CHTOP: variants seen among roughly 807,000 people sequenced by gnomAD.
CHTOP encodes the protein chromatin target of PRMT1 protein.
In CHTOP, 18 loss-of-function variants were observed where a neutral mutation model predicts 33.6. The observed-to-expected ratio is 0.54, with a 90% CI of 0.37 to 0.80. The LOEUF is 0.80. CHTOP is among the 30% of genes least tolerant of loss of function. CHTOP has a pLI of 0.00. For synonymous variants in CHTOP, 117 were observed against 127.7 expected (o/e 0.92, Z 0.56); for missense variants, 263 against 336.8 (o/e 0.78, Z 1.71).
At chr1:153,635,518 T>C (rs1223035026) in intron 1 of CHTOP, among the ~76,000 whole-genome samples, 1 of 151,736 alleles carries the variant, frequency 6.6e-6, no homozygotes, top group African/African-American at 2.4e-5. Flanking sequence ...AAATGACTGC[T>C]CTAGAGTAAA....
chr1:153,640,244 G>A (rs1217075343), intron 3 of CHTOP, among the ~76,000 whole-genome samples: 1 of 151,908 alleles, frequency 6.6e-6, no homozygotes, highest in Non-Finnish European at 1.5e-5. Flanking sequence ...GGAGGCCAAG[G>A]CAGGCGGATC....
At chr1:153,643,595 TC>T (rs763113757) in intron 5 of CHTOP, 10 of 390,356 alleles carry the variant, frequency 2.6e-5, no homozygotes, top group East Asian at 1.7e-4. Context: ...TATGCCATCT[TC>T]CTCCAAGCTC....
At chr1:153,643,104 C>T (rs1668686608) in intron 4 of CHTOP, 123 bp from the exon 5 acceptor site, 27 of 1,143,722 alleles carry the variant, frequency 2.4e-5, no homozygotes, top group Non-Finnish European at 3.3e-5. Context: ...ATGCAGCTTG[C>T]CCCAGCCAAC....
intron 3 of CHTOP, 65 bp downstream of exon 3, chr1:153,638,513 C>G (rs1270184834): frequency 6.3e-7 from 1 of 1,578,566 alleles, no homozygotes; most frequent in African/African-American, 1.3e-5. Flanking sequence ...TCCACTGAGG[C>G]TGTCAGGACG....
intron 3 of CHTOP, among the ~76,000 whole-genome samples, chr1:153,640,633 G>A (rs1427518574): frequency 2.0e-5 from 3 of 152,064 alleles, no homozygotes; most frequent in African/African-American, 7.2e-5. Flanking sequence ...TAAGCCAGGC[G>A]TGATGACAGC....
Position 153,645,507 on chromosome 1 carries a change from G to T in CHTOP, c.*238G>T, listed in dbSNP as rs1186418029. On this transcript the variant is annotated 3_prime_UTR_variant, in exon 6 of 6. Coordinates refer to ENST00000368694, the MANE Select transcript of CHTOP (RefSeq NM_015607.4). ...TGTTTTTGTTTTTTTAGGGGGGAGG[G>T]GGGGTTTCCCCTCCTTTGCCCAGAC... is the stretch of plus-strand genomic sequence containing the variant. The T allele has an allele frequency of 4.3e-6, 2 of 463,644 alleles. 1 individual carries two copies. Among genetic ancestry groups the T allele is most frequent in the Non-Finnish European group, 7.7e-6 (2 of 259,020 alleles). The allele number at this position is 463,644 out of a possible 1,614,324, so 28.7% of individuals were successfully genotyped here. A position where few individuals can be genotyped will look rare whatever the true frequency, so the allele number is the denominator to read the frequency against.
chr1:153,637,135 A>C (rs1292887778), intron 2 of CHTOP: 1 of 153,634 alleles, frequency 6.5e-6, no homozygotes, highest in African/African-American at 2.4e-5. Context: ...TTCTGCTTTT[A>C]GTTTGGTTTT....
At chr1:153,636,009 C>T (rs1318351615) in intron 1 of CHTOP, among the ~76,000 whole-genome samples, 1 of 152,008 alleles carries the variant, frequency 6.6e-6, no homozygotes, top group Non-Finnish European at 1.5e-5. Context: ...CAGCCTCCAA[C>T]CCCTGGGCTC....
intron 4 of CHTOP, 89 bp from the exon 5 acceptor site, chr1:153,643,138 C>T: frequency 6.6e-7 from 1 of 1,510,842 alleles, no homozygotes; most frequent in Non-Finnish European, 9.2e-7. Context: ...GAATTACCTT[C>T]ATTTAACCCT....
Position 153,643,377 on chromosome 1 carries a change from C to A in CHTOP, c.541+13C>A. On this transcript the variant is annotated intron_variant, in intron 5 of 5. Coordinates refer to ENST00000368694, the MANE Select transcript of CHTOP (RefSeq NM_015607.4). The stretch of plus-strand genomic sequence containing the variant: ...ATCGGTGGTAGAGGTTAGTCAGCTA[C>A]CAACTTCAGAGAGTAGCTCCCCCTT... The A allele has an allele frequency of 6.6e-7, 1 of 1,525,146 alleles. No individual in the cohort carries two copies. The allele number at this position is 1,525,146 out of a possible 1,614,324, so 94.5% of individuals were successfully genotyped here.
At chr1:153,638,778 C>T (rs1295319607) in intron 3 of CHTOP, among the ~76,000 whole-genome samples, 1 of 152,132 alleles carries the variant, frequency 6.6e-6, no homozygotes, top group Non-Finnish European at 1.5e-5. Context: ...TAGATAATCT[C>T]ACAGCATCCT....
intron 1 of CHTOP, among the ~76,000 whole-genome samples, chr1:153,635,336 G>A (rs1668325625): frequency 6.6e-6 from 1 of 151,180 alleles, no homozygotes; most frequent in Non-Finnish European, 1.5e-5. Flanking sequence ...TATTTTTATA[G>A]AAACGGGGTC....
intron 4 of CHTOP, 91 bp downstream of exon 4, chr1:153,642,520 A>G (rs1312415972): frequency 1.9e-6 from 2 of 1,057,992 alleles, no homozygotes; most frequent in African/African-American, 1.6e-5. Context: ...AACATCTTTA[A>G]GCCTGAATTT....
chr1:153,638,570 C>T, intron 3 of CHTOP, 122 bp downstream of exon 3: 1 of 1,144,894 alleles, frequency 8.7e-7, no homozygotes, highest in South Asian at 1.3e-5. Context: ...TGAAACTTCT[C>T]TGGAAGAAAG....
chr1:153,637,923 C>G (rs1338574812), intron 2 of CHTOP: 1 of 219,776 alleles, frequency 4.6e-6, no homozygotes, highest in Non-Finnish European at 9.3e-6. Flanking sequence ...TCATATTTGG[C>G]CTTAGAATGC....
At chr1:153,641,039 G>T (rs1668603972) in intron 3 of CHTOP, among the ~76,000 whole-genome samples, 2 of 152,234 alleles carry the variant, frequency 1.3e-5, no homozygotes, top group South Asian at 4.1e-4. Flanking sequence ...CCTGATAATT[G>T]TGTGTTAATC....
At position 153,638,316 on chromosome 1, in the gene CHTOP, C is replaced by G. The variant is rs145431546; in HGVS notation, c.87C>G (p.Asn29Lys). ...LNERFTNMLK[N>K]KQPTPVNIRA... ...GAAGCTTTACTAATATGCTGAAGAACAAACAGCCGACGCCAGTGAATATTC... is the reference window on the plus strand; with the variant it reads ...GAAGCTTTACTAATATGCTGAAGAAGAAACAGCCGACGCCAGTGAATATTC... The change falls in exon 3 of 6, where the codon AAC becomes AAG. Residue 29 changes from asparagine to lysine, a missense_variant. By Grantham distance (94) the Asn-to-Lys change is moderately conservative. Coordinates refer to ENST00000368694, the MANE Select transcript of CHTOP (RefSeq NM_015607.4). The G allele has an allele frequency of 1.1e-5, 18 of 1,614,212 alleles. No homozygotes were observed. Among genetic ancestry groups the G allele is most frequent in the Non-Finnish European group, 1.2e-5 (14 of 1,180,030 alleles).
intron 4 of CHTOP, chr1:153,642,645 A>G (rs1355566503): frequency 2.5e-6 from 1 of 393,736 alleles, no homozygotes; most frequent in Non-Finnish European, 4.5e-6. Flanking sequence ...CCTGCGTAAC[A>G]ACAGGTAATT....
chr1:153,640,622 A>G (rs1668587263), intron 3 of CHTOP, among the ~76,000 whole-genome samples: 1 of 152,120 alleles, frequency 6.6e-6, no homozygotes, highest in Non-Finnish European at 1.5e-5. Context: ...TCCACCAAAA[A>G]TAAGCCAGGC....
Sources: gnomAD v4.1 joint callset for allele counts (sites outside exome capture counted in the v4.1 genomes callset) on GRCh38, gnomAD v4.1.1 for gene constraint, MANE v1.5 for transcripts, NCBI Gene and HGNC (gene_info 2026-07-23, HGNC 2026-07-21) for gene names.